Variants in ACOT11 observed in about 807,000 individuals in gnomAD.
ACOT11 encodes acyl-CoA thioesterase 11, also known as acyl-coenzyme A thioesterase 11.
A neutral mutation model predicts 77.5 loss-of-function variants in ACOT11; 69 were observed. That is an observed-to-expected ratio of 0.89 (90% CI 0.73 to 1.09). The LOEUF (loss-of-function observed/expected upper bound fraction) is 1.09, where lower values mean the gene tolerates loss of function less well. ACOT11 is among the 50% of genes least tolerant of loss of function. The probability of loss-of-function intolerance (pLI) is 0.00; values close to 1 mark genes in which losing one functional copy is unlikely to be tolerated. For missense variants in ACOT11, 766 were observed against 813.7 expected (o/e 0.94, Z 0.71); for synonymous variants, 279 against 313.0 (o/e 0.89, Z 1.15).
rs71637854 is a variant in ACOT11 at position 54,556,110 on chromosome 1, T to G, written c.33+7768T>G. 3.0e-3 allele frequency among the ~76,000 whole-genome samples: 460 copies of G among 152,302 alleles called. 4 individuals carry two copies. The highest frequency in any genetic ancestry group is 0.018 in the Admixed American group (274 of 15,296). ...CATTTTTCTACATGTGGGTTTCCAG[T>G]TTTCCCAACATCAATTGTTGAATAG... On this transcript the variant is annotated intron_variant, in intron 1 of 15. Coordinates refer to ENST00000343744, the MANE Select transcript of ACOT11 (RefSeq NM_147161.4).
chr1:54,631,287 C>G (rs1286669263), intron 16 of ACOT11, among the ~76,000 whole-genome samples: 1 of 152,088 alleles, frequency 6.6e-6, no homozygotes, highest in Non-Finnish European at 1.5e-5. Flanking sequence ...TTAGAATACA[C>G]CCCCCAGATC....
rs1459715029 is a variant in ACOT11, at chr1:54,560,093, T to C, written c.33+11751T>C. ...AGTGACGGACTGGGGCAGACCAGAG[T>C]CTGACACTTTGGGGACACAGGGATG... On this transcript the variant is annotated intron_variant, in intron 1 of 15. Coordinates refer to ENST00000343744, the MANE Select transcript of ACOT11 (RefSeq NM_147161.4). Among the ~76,000 whole-genome samples, 3 of 151,906 alleles carry C rather than the reference T, an allele frequency of 2.0e-5. No homozygotes were observed. In the East Asian group the frequency reaches 5.8e-4, roughly 29 times the overall value.
At chr1:54,553,090 G>A (rs1272178182) in intron 1 of ACOT11, among the ~76,000 whole-genome samples, 1 of 149,466 alleles carries the variant, frequency 6.7e-6, no homozygotes, top group African/African-American at 2.5e-5. Flanking sequence ...GCCTCCCAAA[G>A]TGCTGGGATT....
At chr1:54,627,014 G>A (rs1253615942) in intron 15 of ACOT11, among the ~76,000 whole-genome samples, 2 of 133,708 alleles carry the variant, frequency 1.5e-5, no homozygotes, top group Non-Finnish European at 3.4e-5. Context: ...GCACCACCAC[G>A]CTCAGCTAAT....
intron 13 of ACOT11, 57 bp downstream of exon 13, chr1:54,605,266 G>T: frequency 6.3e-7 from 1 of 1,581,046 alleles, no homozygotes; most frequent in South Asian, 1.1e-5. Flanking sequence ...ATGAGGGAGA[G>T]AGTGTCTCCT....
Position 54,574,222 on chromosome 1 carries a change from G to A in ACOT11, c.34-10433G>A, listed in dbSNP as rs527377662. On this transcript the variant is annotated intron_variant, in intron 1 of 15. Transcript: ENST00000343744. ...GTTTTGGGCATAAGGCAGGGACAGCGCCCAAACAATACGGAGGAGCTGAAC... is the reference window on the plus strand; with the variant it reads ...GTTTTGGGCATAAGGCAGGGACAGCACCCAAACAATACGGAGGAGCTGAAC... Among the ~76,000 whole-genome samples the A allele has an allele frequency of 1.0e-3, 155 of 152,250 alleles. 1 individual carries two copies. The highest frequency in any genetic ancestry group is 3.3e-3 in the African/African-American group (137 of 41,544).
Position 54,584,919 on chromosome 1 carries a change from G to A in ACOT11, c.241+57G>A, listed in dbSNP as rs1441295798. The A allele has an allele frequency of 1.1e-5, 16 of 1,523,556 alleles. No individual in the cohort carries two copies. Among genetic ancestry groups the A allele is most frequent in the Admixed American group, 9.6e-5 (5 of 52,344 alleles). 94.4% of individuals were successfully genotyped at this position (1,523,556 alleles called of 1,614,324 possible). A position where few individuals can be genotyped will look rare whatever the true frequency, so the allele number is the denominator to read the frequency against. ...GCCCCACAGGCCCAGAGCAGGGGCC[G>A]TGCTTTCAGAGATGGTCACCGTCCA... is the stretch of plus-strand genomic sequence containing the variant. On this transcript the variant is annotated intron_variant, in intron 2 of 15. Transcript: ENST00000343744. The surrounding 1 kb of genome is among the most constrained non-coding windows in gnomAD (Gnocchi z 6.3).
intron 8 of ACOT11, 48 bp from the exon 9 acceptor site, chr1:54,601,221 C>T (rs569235069): frequency 6.3e-7 from 1 of 1,586,120 alleles, no homozygotes; most frequent in East Asian, 2.2e-5. Flanking sequence ...GGAGGCATGG[C>T]CCTTGGGAAG....
chr1:54,584,633 C>T lies in ACOT11; in HGVS notation c.34-22C>T, dbSNP rs961503874. ...CAGCAAGCAGACCTCTCTGTCCCCA[C>T]CTGTCCCCACCTGTACCCCAGGGCT... On this transcript the variant is annotated intron_variant, in intron 1 of 15. Coordinates refer to ENST00000343744, the MANE Select transcript of ACOT11 (RefSeq NM_147161.4). The surrounding 1 kb of genome is among the most constrained non-coding windows in gnomAD (Gnocchi z 6.3). 2 of 1,604,828 alleles carry T rather than the reference C, an allele frequency of 1.2e-6. No individual in the cohort carries two copies. The highest frequency in any genetic ancestry group is 1.7e-6 in the Non-Finnish European group (2 of 1,177,206).
intron 10 of ACOT11, among the ~76,000 whole-genome samples, chr1:54,603,342 C>T (rs567432977): frequency 4.6e-5 from 7 of 152,200 alleles, no homozygotes; most frequent in Non-Finnish European, 1.0e-4. Flanking sequence ...GAGCAAGACT[C>T]TGTCTCAAAA....
At chr1:54,637,476 C>G (rs1644337276) in exon 17 of ACOT11, 1 of 152,306 alleles carries the variant, frequency 6.6e-6, no homozygotes, top group African/African-American at 2.4e-5. Flanking sequence ...GAGTAAGACT[C>G]TGTCTCAAAA....
intron 6 of ACOT11, 102 bp downstream of exon 6, chr1:54,594,793 G>A (rs962223582): frequency 1.5e-4 from 216 of 1,479,806 alleles, no homozygotes; most frequent in Non-Finnish European, 4.4e-5. Flanking sequence ...AGGCTCCGGG[G>A]ACTTCCACCC....
At chr1:54,604,853 A>G (rs553183072) in intron 12 of ACOT11, among the ~76,000 whole-genome samples, 2 of 152,336 alleles carry the variant, frequency 1.3e-5, no homozygotes, top group East Asian at 3.9e-4. Flanking sequence ...GACAGGAACC[A>G]CCACATGTTG....
intron 1 of ACOT11, among the ~76,000 whole-genome samples, chr1:54,560,368 G>C (rs921154133): frequency 6.6e-6 from 1 of 152,128 alleles, no homozygotes; most frequent in East Asian, 1.9e-4. Context: ...AGATGTGAAG[G>C]AGCCAGGTCC....
At chr1:54,557,844 T>C (rs1375883121) in intron 1 of ACOT11, among the ~76,000 whole-genome samples, 1 of 152,174 alleles carries the variant, frequency 6.6e-6, no homozygotes, top group Non-Finnish European at 1.5e-5. Context: ...CTTCCTTCTT[T>C]CCAATTTGGA....
At chr1:54,578,008 G>T (rs1279462827) in intron 1 of ACOT11, among the ~76,000 whole-genome samples, 1 of 152,182 alleles carries the variant, frequency 6.6e-6, no homozygotes, top group Non-Finnish European at 1.5e-5. Context: ...AGGCACCAGG[G>T]GTCATGATGC....
chr1:54,604,272 C>A, intron 11 of ACOT11, 74 bp from the exon 12 acceptor site: 2 of 1,419,094 alleles, frequency 1.4e-6, no homozygotes, highest in Non-Finnish European at 2.0e-6. Context: ...TCCTCTCTGG[C>A]ACACCCTTGG....
chr1:54,606,795 C>T (rs958942020), intron 13 of ACOT11, among the ~76,000 whole-genome samples: 5 of 152,228 alleles, frequency 3.3e-5, no homozygotes, highest in African/African-American at 1.2e-4. Flanking sequence ...CATGTATAGA[C>T]ACACGTGGGT....
chr1:54,605,167 T>C lies in ACOT11; in HGVS notation c.1328T>C (p.Leu443Pro), dbSNP rs757926474. 1.2e-5 allele frequency: 20 copies of C among 1,613,870 alleles called. No individual in the cohort carries two copies. Among genetic ancestry groups the C allele is most frequent in the Admixed American group, 1.7e-5 (1 of 60,028 alleles). ...GATGCAGCCCAGGCCTTCCTGCTGC[T>C]CTCGGACCTGCGTCAGAGGCCAGAG... ...HVDAAQAFLL[L>P]SDLRQRPEWD... Residue 443 changes from leucine to proline, a missense_variant, in exon 13 of 16, where the codon CTC becomes CCC. Coordinates refer to ENST00000343744, the MANE Select transcript of ACOT11 (RefSeq NM_147161.4).
Sources: gnomAD v4.1 joint callset for allele counts (sites outside exome capture counted in the v4.1 genomes callset) on GRCh38, gnomAD v4.1.1 for gene constraint, Gnocchi (gnomAD v3.1) non-coding constraint, MANE v1.5 for transcripts, NCBI Gene and HGNC (gene_info 2026-07-23, HGNC 2026-07-21) for gene names.